Variants in NXPE3 observed in about 807,000 individuals in gnomAD.
The protein encoded by NXPE3 is NXPE family member 3.
In NXPE3, 26 loss-of-function variants were observed where a neutral mutation model predicts 46.1. The ratio of observed to expected loss-of-function variants is 0.56; its 90% confidence interval spans 0.41 to 0.78. The LOEUF is 0.78. Ranked by LOEUF, NXPE3 falls within the 30% of genes least tolerant of loss-of-function variation. The pLI is 0.00. For missense variants in NXPE3, 620 were observed against 686.0 expected (o/e 0.90, Z 1.07); for synonymous variants, 272 against 257.9 (o/e 1.05, Z -0.52).
At chr3:101,794,252 A>G (rs559446925) in intron 4 of NXPE3, among the ~76,000 whole-genome samples, 1 of 152,026 alleles carries the variant, frequency 6.6e-6, no homozygotes, top group Non-Finnish European at 1.5e-5. Context: ...AGAGGATGAG[A>G]TCTAGAGCAC....
intron 4 of NXPE3, among the ~76,000 whole-genome samples, chr3:101,793,204 C>A (rs1940618020): frequency 6.6e-6 from 1 of 152,194 alleles, no homozygotes; most frequent in Non-Finnish European, 1.5e-5. Context: ...ATCATGTCGT[C>A]TGCAAACAGA....
At chr3:101,782,848 A>C (rs540710616) in intron 3 of NXPE3, 68 bp downstream of exon 3, 1 of 152,190 alleles carries the variant, frequency 6.6e-6, no homozygotes, top group East Asian at 1.9e-4. Flanking sequence ...GGGTCTCACT[A>C]TCTTGCCTCA....
At chr3:101,809,190 C>T (rs1319714267) in intron 6 of NXPE3, among the ~76,000 whole-genome samples, 1 of 151,944 alleles carries the variant, frequency 6.6e-6, no homozygotes, top group African/African-American at 2.4e-5. Context: ...ATTAGTGAGC[C>T]TTTTGATATA....
At chr3:101,809,504 T>A (rs1421521405) in intron 6 of NXPE3, among the ~76,000 whole-genome samples, 1 of 152,244 alleles carries the variant, frequency 6.6e-6, no homozygotes, top group African/African-American at 2.4e-5. Context: ...TTCATCAAGG[T>A]TCATCAGATC....
chr3:101,801,843 C>G lies in NXPE3; in HGVS notation c.702C>G (p.Pro234=). 6.2e-7 allele frequency: 1 copy of G among 1,614,044 alleles called. No individual in the cohort carries two copies. The highest frequency in any genetic ancestry group is 8.5e-7 in the Non-Finnish European group (1 of 1,180,002). ...ACGTGTGTCTTCCTGGGAATCTGCC[C>G]CTGTGTAACTTTACAGACCTCTACA... The part of the protein sequence containing the change: ...ECNVCLPGNL[P]LCNFTDLYTG... Residue 234 remains proline, a synonymous_variant, in exon 5 of 8, where the codon CCC becomes CCG. Coordinates refer to ENST00000273347, the MANE Select transcript of NXPE3 (RefSeq NM_145037.4).
chr3:101,789,230 A>T (rs1256103677), intron 4 of NXPE3, among the ~76,000 whole-genome samples: 1 of 152,162 alleles, frequency 6.6e-6, no homozygotes, highest in Non-Finnish European at 1.5e-5. Context: ...TTTTCTAATT[A>T]AATGTTTAAT....
intron 6 of NXPE3, among the ~76,000 whole-genome samples, chr3:101,811,774 C>T (rs1400105086): frequency 6.9e-6 from 1 of 144,518 alleles, no homozygotes; most frequent in Non-Finnish European, 1.5e-5. Context: ...CGCTCTGTCG[C>T]CCAGGCTGGA....
Position 101,801,603 on chromosome 3 carries a change from G to T in NXPE3, c.462G>T (p.Gln154His). Residue 154 changes from glutamine (Q) to histidine (H), a missense_variant, in exon 5 of 8, where the codon CAG becomes CAT. Gln to His is a conservative substitution (Grantham distance 24). Coordinates refer to ENST00000273347, the MANE Select transcript of NXPE3 (RefSeq NM_145037.4). ...CCAGAATTCACTCCCTCAAGCTGCA[G>T]GCTGGGGCTGTGGGCAGGGTGGTGG... ...LQARIHSLKL[Q>H]AGAVGRVVDY... is the part of the protein sequence containing the mutation. 1 of 1,614,178 alleles carries T rather than the reference G, an allele frequency of 6.2e-7. No homozygotes were observed. The highest frequency in any genetic ancestry group is 8.5e-7 in the Non-Finnish European group (1 of 1,180,004).
intron 7 of NXPE3, 66 bp downstream of exon 7, chr3:101,817,067 C>A: frequency 1.4e-6 from 2 of 1,386,826 alleles, no homozygotes; most frequent in African/African-American, 1.4e-5. Context: ...CAGACTCACT[C>A]AGGTGCCTGA....
At chr3:101,787,161 A>C (rs1190170120) in intron 4 of NXPE3, among the ~76,000 whole-genome samples, 4 of 151,240 alleles carry the variant, frequency 2.6e-5, no homozygotes, top group Non-Finnish European at 3.0e-5. Context: ...AAAAAAAAAA[A>C]CACAACAAAT....
intron 3 of NXPE3, among the ~76,000 whole-genome samples, chr3:101,783,072 T>G (rs1939924146): frequency 6.6e-6 from 1 of 152,162 alleles, no homozygotes; most frequent in Admixed American, 6.5e-5. Context: ...ATCTTTTCTT[T>G]TTTTTTTGAG....
At chr3:101,792,748 C>A (rs1321942731) in intron 4 of NXPE3, among the ~76,000 whole-genome samples, 1 of 152,026 alleles carries the variant, frequency 6.6e-6, no homozygotes, top group African/African-American at 2.4e-5. Context: ...GCTATTTGGG[C>A]TCTTTTTGGT....
chr3:101,820,979 A>G (rs146441864), intron 7 of NXPE3, among the ~76,000 whole-genome samples: 1 of 152,206 alleles, frequency 6.6e-6, no homozygotes, highest in African/African-American at 2.4e-5. Flanking sequence ...CTATGTAACA[A>G]ACCTTTACGT....
At chr3:101,788,342 T>A (rs1363188607) in intron 4 of NXPE3, among the ~76,000 whole-genome samples, 1 of 152,214 alleles carries the variant, frequency 6.6e-6, no homozygotes, top group Non-Finnish European at 1.5e-5. Flanking sequence ...TTTTTCACTC[T>A]GATTTTGTCC....
intron 5 of NXPE3, among the ~76,000 whole-genome samples, chr3:101,805,718 G>A (rs1183338571): frequency 6.6e-6 from 1 of 152,140 alleles, no homozygotes; most frequent in Admixed American, 6.5e-5. Flanking sequence ...TGGGATTACA[G>A]GCGTAAGCCA....
In NXPE3 at chr3:101,807,141, A is replaced by G; in HGVS notation, c.922+15A>G. 6.3e-7 allele frequency: 1 copy of G among 1,595,442 alleles called. No individual in the cohort carries two copies. Among genetic ancestry groups the G allele is most frequent in the Non-Finnish European group, 8.6e-7 (1 of 1,163,774 alleles). On this transcript the variant is annotated intron_variant, in intron 6 of 7. Transcript: ENST00000273347. ...GAGAATAAAAGGTAAAAAAAAGAAT[A>G]AGCTTGATGATTTGTTGTTTTTCTT...
intron 4 of NXPE3, among the ~76,000 whole-genome samples, chr3:101,790,970 T>C (rs960294122): frequency 1.3e-5 from 2 of 152,198 alleles, no homozygotes; most frequent in African/African-American, 2.4e-5. Flanking sequence ...ACTTTCATTT[T>C]AGGTTTGGGG....
chr3:101,815,211 A>G (rs1174220954), intron 6 of NXPE3, among the ~76,000 whole-genome samples: 1 of 152,222 alleles, frequency 6.6e-6, no homozygotes, highest in African/African-American at 2.4e-5. Flanking sequence ...GGAGGTACAC[A>G]TTGGTGATGT....
rs1239728235 is a variant in NXPE3, at chr3:101,824,631, A to T, written c.*2677A>T. On this transcript the variant is annotated 3_prime_UTR_variant, in exon 8 of 8. Coordinates refer to ENST00000273347, the MANE Select transcript of NXPE3 (RefSeq NM_145037.4). ...CTAATTTTTGTATCTTTTTGTAGAG[A>T]CTACATTTTGCCATGTTGTCCAGGC... The T allele has an allele frequency of 6.6e-6, 1 of 152,128 alleles. No homozygotes were observed. The highest frequency in any genetic ancestry group is 1.9e-4 in the East Asian group (1 of 5,190). 9.4% of individuals were successfully genotyped at this position (152,128 alleles called of 1,614,324 possible).
Sources: allele counts gnomAD v4.1 joint callset (sites outside exome capture counted in the v4.1 genomes callset), GRCh38; gene constraint gnomAD v4.1.1; transcripts MANE v1.5; gene names NCBI Gene and HGNC (gene_info 2026-07-23, HGNC 2026-07-21).